SCUBE2: variants seen among roughly 807,000 people sequenced by gnomAD.
The protein encoded by SCUBE2 is signal peptide, CUB domain and EGF like domain containing 2.
Under a neutral mutation model 125.9 loss-of-function variants are expected in SCUBE2, and 114 were observed. The observed-to-expected ratio is 0.91, with a 90% CI of 0.78 to 1.06. The LOEUF (loss-of-function observed/expected upper bound fraction) is 1.06, where lower values mean the gene tolerates loss of function less well. SCUBE2 is among the 50% of genes least tolerant of loss of function. SCUBE2 has a pLI of 0.00. For missense variants in SCUBE2, 1,255 were observed against 1,301.8 expected (o/e 0.96, Z 0.55); for synonymous variants, 459 against 492.9 (o/e 0.93, Z 0.91).
At position 9,053,212 on chromosome 11, in the gene SCUBE2, A is replaced by AC. The variant is rs767520787; in HGVS notation, c.1333dup (p.Val445GlyfsTer19). 1.2e-6 allele frequency: 2 copies of AC among 1,612,768 alleles called. No homozygotes were observed. Among genetic ancestry groups the AC allele is most frequent in the South Asian group, 2.2e-5 (2 of 91,058 alleles). ...CACACTTGTGGGCAGGAGCCCCTTC[A>AC]CTTCTAGACAGGACAAAACAGACAC... On this transcript the variant is annotated frameshift_variant, in exon 12 of 23. Coordinates refer to ENST00000649792, the MANE Select transcript of SCUBE2 (RefSeq NM_001367977.2). LOFTEE classifies it high-confidence loss of function.
At chr11:9,066,027 A>G (rs1400156308) in intron 6 of SCUBE2, 47 bp from the exon 7 acceptor site, 1 of 1,319,198 alleles carries the variant, frequency 7.6e-7, no homozygotes, top group African/African-American at 1.4e-5. Flanking sequence ...AATGAGTTAG[A>G]TTGCTCATCC....
At chr11:9,066,642 G>T in intron 6 of SCUBE2, 55 bp downstream of exon 6, 2 of 1,385,596 alleles carry the variant, frequency 1.4e-6, no homozygotes, top group Non-Finnish European at 2.1e-6. Flanking sequence ...AGGGGTAGGG[G>T]TAGGGACAGG....
chr11:9,075,169 T>C (rs1448721587), intron 3 of SCUBE2, among the ~76,000 whole-genome samples: 2 of 145,008 alleles, frequency 1.4e-5, no homozygotes, highest in Non-Finnish European at 3.0e-5. Context: ...ATCATGCCAC[T>C]GCACTCCAGC....
intron 21 of SCUBE2, among the ~76,000 whole-genome samples, chr11:9,023,743 C>G (rs1855498633): frequency 6.6e-6 from 1 of 152,160 alleles, no homozygotes; most frequent in African/African-American, 2.4e-5. Context: ...ATCTCTAAGC[C>G]TGAATGGCCT....
chr11:9,068,878 G>T (rs578068041), intron 5 of SCUBE2, among the ~76,000 whole-genome samples: 1 of 152,314 alleles, frequency 6.6e-6, no homozygotes, highest in African/African-American at 2.4e-5. Context: ...ATCCTTATTA[G>T]AAGTTAAACA....
intron 21 of SCUBE2, among the ~76,000 whole-genome samples, chr11:9,023,434 G>A (rs1215474109): frequency 6.6e-6 from 1 of 152,150 alleles, no homozygotes; most frequent in Non-Finnish European, 1.5e-5. Flanking sequence ...CTCTGCGGCA[G>A]TATCTCTCCT....
At chr11:9,080,859 T>G (rs1196780281) in intron 2 of SCUBE2, among the ~76,000 whole-genome samples, 3 of 151,932 alleles carry the variant, frequency 2.0e-5, no homozygotes, top group Admixed American at 2.0e-4. Flanking sequence ...ATCACACACC[T>G]TATAAAGAAC....
intron 3 of SCUBE2, among the ~76,000 whole-genome samples, chr11:9,076,501 A>G (rs1206549000): frequency 6.6e-6 from 1 of 151,944 alleles, no homozygotes; most frequent in Non-Finnish European, 1.5e-5. Context: ...GCAGGCGCTC[A>G]TTAACTATTC....
intron 7 of SCUBE2, chr11:9,065,221 C>T (rs1860093894): frequency 6.6e-6 from 1 of 152,170 alleles, no homozygotes; most frequent in East Asian, 1.9e-4. Flanking sequence ...ACTCAAATCT[C>T]ATCCTGAATT....
At chr11:9,039,863 C>G (rs1857055196) in intron 16 of SCUBE2, among the ~76,000 whole-genome samples, 1 of 152,186 alleles carries the variant, frequency 6.6e-6, no homozygotes, top group Non-Finnish European at 1.5e-5. Flanking sequence ...CTTAGCTATG[C>G]CTGGGTAATG....
In SCUBE2 at chr11:9,078,938, TTC is replaced by T. The variant is rs1861416203; in HGVS notation, c.382+444_382+445del. On this transcript the variant is annotated intron_variant, in intron 3 of 22. Coordinates refer to ENST00000649792, the MANE Select transcript of SCUBE2 (RefSeq NM_001367977.2). Reference sequence around the variant, plus strand: ...TACTAGGAAGATGTTCATGGAAGATTTCTGTTTTAGTTTCTCTCTTTTTCAAG... The same window carrying T: ...TACTAGGAAGATGTTCATGGAAGATTTGTTTTAGTTTCTCTCTTTTTCAAG... Among the ~76,000 whole-genome samples the T allele has an allele frequency of 2.0e-5, 3 of 152,212 alleles. No homozygotes were observed. The South Asian group carries it at 6.2e-4, about 32-fold the overall frequency.
intron 2 of SCUBE2, among the ~76,000 whole-genome samples, chr11:9,083,350 C>T (rs1861794952): frequency 6.6e-6 from 1 of 152,066 alleles, no homozygotes; most frequent in Non-Finnish European, 1.5e-5. Context: ...AGGCTAAAAA[C>T]AAAATAGCTG....
intron 13 of SCUBE2, among the ~76,000 whole-genome samples, chr11:9,052,111 C>T (rs1269612123): frequency 1.3e-5 from 2 of 152,176 alleles, no homozygotes; most frequent in Non-Finnish European, 2.9e-5. Context: ...TGGCTTAAGT[C>T]AGTTAATTCG....
At chr11:9,044,948 C>T (rs930079153) in intron 16 of SCUBE2, among the ~76,000 whole-genome samples, 1 of 152,170 alleles carries the variant, frequency 6.6e-6, no homozygotes, top group Non-Finnish European at 1.5e-5. Flanking sequence ...TCCCTCACCC[C>T]TCACCTTGGC....
intron 4 of SCUBE2, among the ~76,000 whole-genome samples, chr11:9,071,371 C>T (rs1472173935): frequency 2.0e-5 from 3 of 152,180 alleles, no homozygotes; most frequent in African/African-American, 7.2e-5. Flanking sequence ...ACACAGAGAA[C>T]CTACCACCTA....
At chr11:9,041,256 G>A (rs189254678) in intron 16 of SCUBE2, among the ~76,000 whole-genome samples, 161 of 151,044 alleles carry the variant, frequency 1.1e-3, no homozygotes, top group African/African-American at 3.7e-3. Context: ...CTTAGAGGGA[G>A]AGAGAATGTG....
At chr11:9,053,865 A>C in intron 10 of SCUBE2, 106 bp from the exon 11 acceptor site, 34 of 1,397,798 alleles carry the variant, frequency 2.4e-5, no homozygotes, top group Non-Finnish European at 3.2e-5. Context: ...GTTGAAACTC[A>C]CTAACCAAAG....
intron 5 of SCUBE2, among the ~76,000 whole-genome samples, chr11:9,069,081 T>C (rs1435400595): frequency 6.6e-6 from 1 of 152,114 alleles, no homozygotes; most frequent in Non-Finnish European, 1.5e-5. Context: ...ATGAGGACAT[T>C]TGGTTTTATT....
At chr11:9,054,804 C>T (rs530423250) in intron 10 of SCUBE2, among the ~76,000 whole-genome samples, 43 of 137,264 alleles carry the variant, frequency 3.1e-4, no homozygotes, top group Non-Finnish European at 4.3e-4. Flanking sequence ...GGCACAACCT[C>T]GGCTCACTGC....
Sources: gnomAD v4.1 joint callset for allele counts (sites outside exome capture counted in the v4.1 genomes callset) on GRCh38, gnomAD v4.1.1 for gene constraint, MANE v1.5 for transcripts, NCBI Gene and HGNC (gene_info 2026-07-23, HGNC 2026-07-21) for gene names.